The following NEDD4L variants were observed in gnomAD, a reference collection of about 807,000 sequenced individuals.
NEDD4L encodes NEDD4 like E3 ubiquitin protein ligase, also known as E3 ubiquitin-protein ligase NEDD4-like.
Under a neutral mutation model 148.9 loss-of-function variants are expected in NEDD4L, and 54 were observed. That is an observed-to-expected ratio of 0.36 (90% CI 0.29 to 0.45). The LOEUF is 0.45. Among genes scored for constraint, NEDD4L ranks in the 20% least tolerant of loss-of-function variants. NEDD4L has a pLI of 1.00. For missense variants in NEDD4L, 856 were observed against 1,233.8 expected (o/e 0.69, Z 4.59); for synonymous variants, 433 against 440.7 (o/e 0.98, Z 0.22).
intron 5 of NEDD4L, among the ~76,000 whole-genome samples, chr18:58,253,580 G>A (rs993862812): frequency 6.6e-6 from 1 of 152,174 alleles, no homozygotes; most frequent in African/African-American, 2.4e-5. Context: ...GCAGTATTGA[G>A]TAGTATAACA....
intron 5 of NEDD4L, among the ~76,000 whole-genome samples, chr18:58,291,515 G>T (rs925347040): frequency 6.6e-6 from 1 of 152,186 alleles, no homozygotes; most frequent in Non-Finnish European, 1.5e-5. Context: ...GTCTAATTCT[G>T]TGTCAGTTGG....
chr18:58,225,021 G>A (rs1238042808), intron 2 of NEDD4L, among the ~76,000 whole-genome samples: 7 of 152,104 alleles, frequency 4.6e-5, no homozygotes, highest in African/African-American at 1.7e-4. Context: ...ACCCACTCCA[G>A]GTGAGTGGTT....
At chr18:58,225,198 G>T (rs1372607389) in intron 2 of NEDD4L, among the ~76,000 whole-genome samples, 3 of 152,200 alleles carry the variant, frequency 2.0e-5, no homozygotes, top group African/African-American at 7.2e-5. Context: ...GTGTGGAACT[G>T]CAGGTCCCTG....
At chr18:58,259,073 C>T (rs752017986) in intron 5 of NEDD4L, among the ~76,000 whole-genome samples, 4 of 152,132 alleles carry the variant, frequency 2.6e-5, no homozygotes, top group South Asian at 2.1e-4. Context: ...TTGGGAATAC[C>T]GCTCGGGATT....
intron 1 of NEDD4L, among the ~76,000 whole-genome samples, chr18:58,071,922 A>C (rs1290792346): frequency 6.6e-6 from 1 of 152,192 alleles, no homozygotes; most frequent in African/African-American, 2.4e-5. Flanking sequence ...AGTTATCTCC[A>C]CCTTATCCTG....
chr18:58,049,967 C>A (rs1204175342), intron 1 of NEDD4L, among the ~76,000 whole-genome samples: 2 of 105,384 alleles, frequency 1.9e-5, no homozygotes, highest in Non-Finnish European at 3.5e-5. Context: ...CAGAGTGAGA[C>A]CCTGTCTCCA....
chr18:58,153,312 A>G (rs2035033957), intron 1 of NEDD4L, among the ~76,000 whole-genome samples: 1 of 151,602 alleles, frequency 6.6e-6, no homozygotes, highest in Non-Finnish European at 1.5e-5. Flanking sequence ...AGAGATTTAA[A>G]TTGGAAGTGG....
chr18:58,380,425 T>A lies in NEDD4L; in HGVS notation c.2353-2821T>A, dbSNP rs912175329. On this transcript the variant is annotated intron_variant, in intron 24 of 30. Transcript: ENST00000400345. ...CCTCAGCCCCCTGGGTTCAAGCGAT[T>A]CTCCTGCCCAAGCCTCCTGAGTAGC... is the stretch of plus-strand genomic sequence containing the variant. Among the ~76,000 whole-genome samples, 6 of 151,974 alleles carry A rather than the reference T, an allele frequency of 3.9e-5. No individual in the cohort carries two copies. In the East Asian group the frequency reaches 1.2e-3, roughly 29 times the overall value.
At chr18:58,050,792 C>T (rs1169109791) in intron 1 of NEDD4L, among the ~76,000 whole-genome samples, 1 of 151,940 alleles carries the variant, frequency 6.6e-6, no homozygotes, top group Non-Finnish European at 1.5e-5. Flanking sequence ...AATAGTTTTG[C>T]TTAAAGGGTG....
chr18:58,365,229 T>C (rs1336503585), intron 20 of NEDD4L, among the ~76,000 whole-genome samples: 1 of 152,230 alleles, frequency 6.6e-6, no homozygotes, highest in Non-Finnish European at 1.5e-5. Flanking sequence ...TTCTTTGCCT[T>C]CAAAACTCAA....
In NEDD4L at chr18:58,330,826, G is replaced by T; in HGVS notation, c.902G>T (p.Arg301Leu). The T allele has an allele frequency of 6.2e-7, 1 of 1,613,846 alleles. No individual in the cohort carries two copies. Among genetic ancestry groups the T allele is most frequent in the East Asian group, 2.2e-5 (1 of 44,880 alleles). ...CCACCACCGGCCTCCCCAGGATCTC[G>T]GACCAGCCCTCAGGAGCTGTCAGAG... The part of the protein sequence containing the change: ...LPPPPASPGS[R>L]TSPQELSEEL... Residue 301 changes from arginine to leucine, a missense_variant, in exon 11 of 31, where the codon CGG becomes CTG. Coordinates refer to ENST00000400345, the MANE Select transcript of NEDD4L (RefSeq NM_001144967.3).
At chr18:58,078,150 G>A (rs1351910091) in intron 1 of NEDD4L, among the ~76,000 whole-genome samples, 1 of 149,488 alleles carries the variant, frequency 6.7e-6, no homozygotes, top group East Asian at 1.9e-4. Context: ...GACCTTTAGA[G>A]ACAATCTCAT....
chr18:58,231,519 T>G (rs1269289518), intron 2 of NEDD4L, among the ~76,000 whole-genome samples: 1 of 152,000 alleles, frequency 6.6e-6, no homozygotes, highest in East Asian at 1.9e-4. Flanking sequence ...GATACTAGAT[T>G]GACCTGTTTG....
At chr18:58,289,527 A>G (rs1177906154) in intron 5 of NEDD4L, among the ~76,000 whole-genome samples, 2 of 152,210 alleles carry the variant, frequency 1.3e-5, no homozygotes, top group East Asian at 3.9e-4. Context: ...TATAAACATA[A>G]GTGTGTTTTG....
intron 11 of NEDD4L, among the ~76,000 whole-genome samples, chr18:58,333,585 T>C (rs2041317125): frequency 6.6e-6 from 1 of 152,216 alleles, no homozygotes; most frequent in South Asian, 2.1e-4. Context: ...CTCCTCTTAC[T>C]TTTGCCACTA....
At chr18:58,298,139 A>G (rs1424776084) in intron 5 of NEDD4L, among the ~76,000 whole-genome samples, 11 of 152,244 alleles carry the variant, frequency 7.2e-5, no homozygotes. Context: ...AGATGAATCT[A>G]TGATAATATG....
intron 2 of NEDD4L, among the ~76,000 whole-genome samples, chr18:58,176,649 T>G (rs1265498979): frequency 6.6e-6 from 1 of 152,224 alleles, no homozygotes; most frequent in Non-Finnish European, 1.5e-5. Context: ...AGGTCACTTT[T>G]CTGTACCATT....
intron 1 of NEDD4L, among the ~76,000 whole-genome samples, chr18:58,087,443 C>T (rs1046245845): frequency 2.0e-5 from 3 of 152,188 alleles, no homozygotes; most frequent in African/African-American, 7.2e-5. Flanking sequence ...TTGCCACGTT[C>T]CAAAGTCACT....
intron 4 of NEDD4L, among the ~76,000 whole-genome samples, chr18:58,251,334 TGGGGAACATG>T (rs1190542355): frequency 5.3e-5 from 8 of 152,128 alleles, no homozygotes; most frequent in African/African-American, 1.9e-4. Flanking sequence ...AAAACCAGCC[TGGGGAACATG>T]GTGAAACCTC....
Sources: allele counts gnomAD v4.1 joint callset (sites outside exome capture counted in the v4.1 genomes callset), GRCh38; gene constraint gnomAD v4.1.1; transcripts MANE v1.5; gene names NCBI Gene and HGNC (gene_info 2026-07-23, HGNC 2026-07-21).